KLRG1: variants seen among roughly 807,000 people sequenced by gnomAD.
KLRG1 encodes the protein killer cell lectin-like receptor subfamily G member 1.
A neutral mutation model predicts 21.8 loss-of-function variants in KLRG1; 16 were observed. The ratio of observed to expected loss-of-function variants is 0.73; its 90% confidence interval spans 0.50 to 1.11. The LOEUF (loss-of-function observed/expected upper bound fraction) is 1.11, where lower values mean the gene tolerates loss of function less well. Among genes scored for constraint, KLRG1 ranks in the 50% most tolerant of loss-of-function variants. The pLI, the probability that KLRG1 is intolerant of heterozygous loss-of-function variation, is 0.00. For synonymous variants in KLRG1, 69 were observed against 75.9 expected (o/e 0.91, Z 0.47); for missense variants, 173 against 218.3 (o/e 0.79, Z 1.31).
the KLRG1 span, chr12:9,157,217 T>C: frequency 1.2e-6 from 2 of 1,614,156 alleles, no homozygotes; most frequent in Non-Finnish European, 1.7e-6. Flanking sequence ...AGTATTTCTC[T>C]ATTCTGATTT....
At chr12:9,157,973 C>T in the KLRG1 span, 9 of 775,410 alleles carry the variant, frequency 1.2e-5, no homozygotes, top group African/African-American at 8.8e-5. Context: ...CTCTCTCTCT[C>T]GACAGGTTCT....
At chr12:9,071,040 G>A in the KLRG1 span, among the ~76,000 whole-genome samples, 1 of 151,866 alleles carries the variant, frequency 6.6e-6, no homozygotes, top group Non-Finnish European at 1.5e-5. Context: ...GGCTGGTCTT[G>A]AACTCCCGAC....
chr12:8,953,980 C>T (rs1056852283), intron 1 of KLRG1, among the ~76,000 whole-genome samples: 1 of 152,052 alleles, frequency 6.6e-6, no homozygotes, highest in African/African-American at 2.4e-5. Flanking sequence ...CTGATGAGGC[C>T]GAGAAGTTGC....
In KLRG1 at chr12:8,952,646, C is replaced by T. The variant is rs891022591; in HGVS notation, c.-156+2410C>T. 4.6e-5 allele frequency among the ~76,000 whole-genome samples: 7 copies of T among 152,062 alleles called. No individual in the cohort carries two copies. The South Asian group carries it at 6.2e-4, about 14-fold the overall frequency. ...CATTTTACCTAAATTCATCTTTTTC[C>T]CCTCCATATACATTAGTTTATTTTG... is the stretch of plus-strand genomic sequence containing the variant. On this transcript the variant is annotated intron_variant, in intron 1 of 4. Coordinates refer to the KLRG1 transcript ENST00000539240.
At chr12:9,003,934 A>G (rs573324165) in intron 3 of KLRG1, among the ~76,000 whole-genome samples, 47 of 148,446 alleles carry the variant, frequency 3.2e-4, no homozygotes, top group Non-Finnish European at 3.9e-4. Flanking sequence ...ATTCCCATCT[A>G]TGAGTGAGAA....
intron 3 of KLRG1, among the ~76,000 whole-genome samples, chr12:8,996,039 G>T (rs1036977057): frequency 1.3e-5 from 2 of 152,174 alleles, no homozygotes; most frequent in African/African-American, 4.8e-5. Flanking sequence ...CAGAGTGATT[G>T]TGGCAAGGGC....
the KLRG1 span, among the ~76,000 whole-genome samples, chr12:9,176,742 T>C: frequency 6.6e-6 from 1 of 152,252 alleles, no homozygotes; most frequent in Non-Finnish European, 1.5e-5. Flanking sequence ...GAGTAACTCC[T>C]GAGTGCCTCT....
chr12:9,095,115 A>T, the KLRG1 span: 1 of 1,128,394 alleles, frequency 8.9e-7, no homozygotes, highest in Non-Finnish European at 1.3e-6. Flanking sequence ...TAATCAGTAA[A>T]TATATATTAT....
chr12:9,147,802 C>A, the KLRG1 span, among the ~76,000 whole-genome samples: 1 of 152,174 alleles, frequency 6.6e-6, no homozygotes, highest in Non-Finnish European at 1.5e-5. Context: ...GAACTCAGAA[C>A]CTATTATTAG....
the KLRG1 span, among the ~76,000 whole-genome samples, chr12:9,065,634 G>A: frequency 6.6e-6 from 1 of 152,220 alleles, no homozygotes; most frequent in Non-Finnish European, 1.5e-5. Context: ...AACAGCCTGG[G>A]AGCAGGAGGC....
At chr12:9,182,215 T>A in the KLRG1 span, 1 of 1,160,682 alleles carries the variant, frequency 8.6e-7, no homozygotes, top group Non-Finnish European at 1.2e-6. Flanking sequence ...CTTATCCACT[T>A]GAGAACTGCG....
chr12:8,997,156 A>G (rs1947156476), intron 3 of KLRG1, among the ~76,000 whole-genome samples: 1 of 152,102 alleles, frequency 6.6e-6, no homozygotes, highest in Non-Finnish European at 1.5e-5. Context: ...GTTGAGTAAA[A>G]CCAGCAGAGT....
the KLRG1 span, chr12:9,113,615 A>G: frequency 1.7e-5 from 24 of 1,414,194 alleles, no homozygotes; most frequent in Non-Finnish European, 6.9e-6. Context: ...ACTTTTTTCC[A>G]TCATCATAAT....
chr12:9,052,434 G>A, the KLRG1 span, among the ~76,000 whole-genome samples: 130,992 of 152,254 alleles, frequency 0.86, 56,849 homozygotes, highest in African/African-American at 0.89. Flanking sequence ...CACACAAGAA[G>A]CGGACAATCA....
chr12:9,081,047 A>T, the KLRG1 span, among the ~76,000 whole-genome samples: 4 of 152,178 alleles, frequency 2.6e-5, no homozygotes, highest in Non-Finnish European at 5.9e-5. Flanking sequence ...CATAAAATTA[A>T]TGTTAAAACT....
chr12:9,163,734 T>C, the KLRG1 span: 6 of 1,613,848 alleles, frequency 3.7e-6, no homozygotes, highest in African/African-American at 2.7e-5. Flanking sequence ...CAACCTCATT[T>C]CCACAGAGTT....
At chr12:8,980,570 A>G (rs1178668910) in intron 1 of KLRG1, among the ~76,000 whole-genome samples, 2 of 152,182 alleles carry the variant, frequency 1.3e-5, no homozygotes, top group Admixed American at 1.3e-4. Flanking sequence ...CTGGGTCAGC[A>G]TGGGACTGGA....
chr12:9,166,192 T>A, the KLRG1 span: 1 of 1,609,798 alleles, frequency 6.2e-7, no homozygotes, highest in Non-Finnish European at 8.5e-7. Context: ...TCTCTACTAC[T>A]CCTAGACCTG....
intron 3 of KLRG1, among the ~76,000 whole-genome samples, chr12:9,003,713 A>C (rs1238210960): frequency 6.7e-6 from 1 of 149,384 alleles, no homozygotes; most frequent in South Asian, 2.1e-4. Context: ...CTTTTTTATT[A>C]TTATTATACT....
Sources: gnomAD v4.1 joint callset for allele counts (sites outside exome capture counted in the v4.1 genomes callset) on GRCh38, gnomAD v4.1.1 for gene constraint, MANE v1.5 for transcripts, NCBI Gene and HGNC (gene_info 2026-07-23, HGNC 2026-07-21) for gene names.